The following CDHR4 variants were observed in gnomAD, a reference collection of about 807,000 sequenced individuals.
CDHR4 encodes cadherin related family member 4.
In CDHR4, 89 loss-of-function variants were observed where a neutral mutation model predicts 88.4. The observed-to-expected ratio is 1.01, with a 90% CI of 0.85 to 1.20. CDHR4 has a LOEUF of 1.20. CDHR4 is among the 50% of genes most tolerant of loss of function. The probability of loss-of-function intolerance (pLI) is 0.00; values close to 1 mark genes in which losing one functional copy is unlikely to be tolerated. For missense variants in CDHR4, 914 were observed against 1,007.2 expected, an observed-to-expected ratio of 0.91 and a Z score of 1.25; for synonymous variants, 368 against 399.2, an observed-to-expected ratio of 0.92 and a Z score of 0.93.
chr3:49,799,525 C>T (rs2081331584), intron 1 of CDHR4, 88 bp from the exon 2 acceptor site: 1 of 1,377,806 alleles, frequency 7.3e-7, no homozygotes, highest in African/African-American at 1.4e-5. Flanking sequence ...GCCACAGGGC[C>T]TGGCCATGCC....
At position 49,791,434 on chromosome 3, in the gene CDHR4, G is replaced by A; in HGVS notation, c.2311+7C>T. On this transcript the variant is annotated splice_region_variant and intron_variant, in intron 18 of 18. Transcript: ENST00000412678. The stretch of plus-strand genomic sequence containing the variant: ...GCAGAGAATAGCTTAGGAAGAGGGG[G>A]ACTCACGGGAGTCCTGTGCTCTGCC... 1.3e-6 allele frequency: 2 copies of A among 1,542,902 alleles called. No homozygotes were observed. Among genetic ancestry groups the A allele is most frequent in the African/African-American group, 1.4e-5 (1 of 72,202 alleles).
chr3:49,790,885 T>C lies in CDHR4; in HGVS notation c.2314A>G (p.Thr772Ala). The stretch of plus-strand genomic sequence containing the variant: ...GTGTTAAACAGGTAGTCTCTTCCGG[T>C]ACCTAAAACCGGTAGGAGAGAGAGG... ...HFDGRAQDSR[T>A]GRDYLFNTHT... Residue 772 changes from threonine to alanine, a missense_variant and splice_region_variant, in exon 19 of 19, where the codon ACC (threonine) becomes GCC (alanine). Physicochemically the swap from Thr to Ala is moderately conservative, Grantham distance 58. Coordinates refer to ENST00000412678, the MANE Select transcript of CDHR4 (RefSeq NM_001007540.4). 1 of 1,551,096 alleles carries C rather than the reference T, an allele frequency of 6.4e-7. No individual in the cohort carries two copies. The highest frequency in any genetic ancestry group is 2.4e-5 in the East Asian group (1 of 40,922).
chr3:49,796,081 T>G (rs1160557103), intron 5 of CDHR4, 35 bp from the exon 6 acceptor site: 2 of 1,440,166 alleles, frequency 1.4e-6, no homozygotes. Context: ...GGAGCCAGAT[T>G]GTGTGTGTCC....
rs1308275691 is a variant in CDHR4 at position 49,795,738 on chromosome 3, G to A, written c.737C>T (p.Pro246Leu). The stretch of plus-strand genomic sequence containing the variant: ...CTCACTACCGGGGGCCAGATTCTCA[G>A]GGATGGTGATATTCTGAGCCTGCTC... Reference protein sequence around the residue: ...FLEQAQNITIPENLAPGSEVV... With the variant: ...FLEQAQNITILENLAPGSEVV... Residue 246 changes from proline (P) to leucine (L), a missense_variant, in exon 7 of 19, where the codon CCT becomes CTT. Transcript: ENST00000412678. The surrounding 1 kb of genome is among the most constrained non-coding windows in gnomAD (Gnocchi z 5.4). 3.2e-6 allele frequency: 5 copies of A among 1,551,706 alleles called. No homozygotes were observed. In the South Asian group the frequency reaches 5.9e-5, roughly 18 times the overall value.
At chr3:49,802,681 A>C (rs144923336), upstream of CDHR4, among the ~76,000 whole-genome samples, 1,226 of 152,352 alleles carry the variant, frequency 8.0e-3, 6 homozygotes, top group Middle Eastern at 0.024. Context: ...CGGCAAAGGG[A>C]ATGCCGACGG....
chr3:49,796,868 AG>A (rs1427188794), intron 5 of CDHR4, 53 bp downstream of exon 5: 57 of 1,404,000 alleles, frequency 4.1e-5, no homozygotes, highest in Non-Finnish European at 5.5e-5. Flanking sequence ...AATTTCTAAA[AG>A]GTAGGCACTC....
intron 4 of CDHR4, 132 bp downstream of exon 4, chr3:49,798,694 C>CATGTA (rs2081311106): frequency 3.8e-6 from 3 of 790,762 alleles, no homozygotes; most frequent in Non-Finnish European, 6.0e-6. Flanking sequence ...GAACATACAT[C>CATGTA]ATGTAGAGGC....
chr3:49,799,247 C>T lies in CDHR4; in HGVS notation c.240G>A (p.Lys80=). 1 of 1,613,498 alleles carries T rather than the reference C, an allele frequency of 6.2e-7. No individual in the cohort carries two copies. The highest frequency in any genetic ancestry group is 2.2e-5 in the East Asian group (1 of 44,886). The change falls in exon 2 of 19, where the codon AAG becomes AAA. Residue 80 remains lysine (K), a splice_region_variant and synonymous_variant. Coordinates refer to ENST00000412678, the MANE Select transcript of CDHR4 (RefSeq NM_001007540.4). ...LARWQGTYVG[K]LTLSSSAQLD... ...TCCCCAGCTGTACACATGACCCTACCTTGCCCACATAGGTCCCTTGCCACC... is the reference window on the plus strand; with the variant it reads ...TCCCCAGCTGTACACATGACCCTACTTTGCCCACATAGGTCCCTTGCCACC...
chr3:49,795,931 G>A lies in CDHR4; in HGVS notation c.710+12C>T. The A allele has an allele frequency of 6.5e-7, 1 of 1,530,986 alleles. No individual in the cohort carries two copies. Among genetic ancestry groups the A allele is most frequent in the South Asian group, 1.3e-5 (1 of 79,972 alleles). 94.8% of individuals were successfully genotyped at this position (1,530,986 alleles called of 1,614,324 possible). On this transcript the variant is annotated intron_variant, in intron 6 of 18. Transcript: ENST00000412678. The surrounding 1 kb of genome is among the most constrained non-coding windows in gnomAD (Gnocchi z 5.4). ...CTTCCTCCCTCACTGTTCCAGGGTA[G>A]GGGAGCCTTACAGGAAGGAGACCTG... is the stretch of plus-strand genomic sequence containing the variant.
At position 49,795,831 on chromosome 3, in the gene CDHR4, C is replaced by T; in HGVS notation, c.711-67G>A. Reference sequence around the variant, plus strand: ...CAACCTGTGGGTCCACAGCTTCCTTCCCTGGGCCCCCTCCTGTCAGGGCTG... The same window carrying T: ...CAACCTGTGGGTCCACAGCTTCCTTTCCTGGGCCCCCTCCTGTCAGGGCTG... On this transcript the variant is annotated intron_variant, in intron 6 of 18. Coordinates refer to ENST00000412678, the MANE Select transcript of CDHR4 (RefSeq NM_001007540.4). This position sits in a 1 kb window ranked among gnomAD's most constrained non-coding sequence, Gnocchi z 5.4. The T allele has an allele frequency of 6.5e-7, 1 of 1,539,102 alleles. No individual in the cohort carries two copies. Among genetic ancestry groups the T allele is most frequent in the Non-Finnish European group, 8.8e-7 (1 of 1,139,516 alleles).
At position 49,795,046 on chromosome 3, in the gene CDHR4, G is replaced by A. The variant is rs564203357; in HGVS notation, c.1086C>T (p.Cys362=). 2.9e-5 allele frequency: 45 copies of A among 1,551,674 alleles called. No homozygotes were observed. The highest frequency in any genetic ancestry group is 2.0e-4 in the Admixed American group (10 of 50,996). Residue 362 remains cysteine (C), a synonymous_variant, in exon 9 of 19, where the codon TGC becomes TGT. Transcript: ENST00000412678. The surrounding 1 kb of genome is among the most constrained non-coding windows in gnomAD (Gnocchi z 5.4). The part of the protein sequence containing the change: ...PVGTVLNTLT[C]EDPDSVGATL... ...TGGCACCAACAGAGTCCGGATCTTCGCAAGTGAGAGTATTCAGCACGGTGC... is the reference window on the plus strand; with the variant it reads ...TGGCACCAACAGAGTCCGGATCTTCACAAGTGAGAGTATTCAGCACGGTGC...
At chr3:49,796,071 G>A (rs774671234) in intron 5 of CDHR4, 25 bp from the exon 6 acceptor site, 1 of 1,473,082 alleles carries the variant, frequency 6.8e-7, no homozygotes, top group East Asian at 2.5e-5. Flanking sequence ...GAACAGAAAA[G>A]GAGCCAGATT....
chr3:49,801,963 A>T (rs1023595076), upstream of CDHR4, among the ~76,000 whole-genome samples: 5 of 152,088 alleles, frequency 3.3e-5, no homozygotes, highest in African/African-American at 1.2e-4. Flanking sequence ...CAAAACCCAC[A>T]TTCTGCTCTA....
At position 49,795,245 on chromosome 3, in the gene CDHR4, C is replaced by T; in HGVS notation, c.982G>A (p.Val328Met). Residue 328 changes from valine to methionine, a missense_variant, in exon 8 of 19, where the codon GTG becomes ATG. Val to Met is a conservative substitution (Grantham distance 21). Transcript: ENST00000412678. The surrounding 1 kb of genome is among the most constrained non-coding windows in gnomAD (Gnocchi z 5.4). ...GGAGGCCAGAGGTTGACCAGCTGCA[C>T]ATTCATGGTGAGATTGAGCTTGGCA... The part of the protein sequence containing the change: ...ASAKLNLTMN[V>M]QLVNLWPPRC... 1 of 1,551,670 alleles carries T rather than the reference C, an allele frequency of 6.4e-7. No homozygotes were observed. Among genetic ancestry groups the T allele is most frequent in the Non-Finnish European group, 8.7e-7 (1 of 1,146,984 alleles).
At chr3:49,802,003 T>C (rs368083591), upstream of CDHR4, among the ~76,000 whole-genome samples, 1 of 152,268 alleles carries the variant, frequency 6.6e-6, no homozygotes, top group African/African-American at 2.4e-5. Context: ...TTGCTGACCT[T>C]TTCCCTCCTG....
chr3:49,791,965 A>G lies in CDHR4; in HGVS notation c.2139-6T>C, dbSNP rs1260849416. On this transcript the variant is annotated splice_polypyrimidine_tract_variant and splice_region_variant and intron_variant, in intron 15 of 18. Coordinates refer to ENST00000412678, the MANE Select transcript of CDHR4 (RefSeq NM_001007540.4). The stretch of plus-strand genomic sequence containing the variant: ...CTTGCAGCAGCTGGGCCAACCTAAA[A>G]TGCCAGGAGGAGTAACGAAGCAGTG... 1 of 1,551,466 alleles carries G rather than the reference A, an allele frequency of 6.4e-7. No homozygotes were observed. Among genetic ancestry groups the G allele is most frequent in the African/African-American group, 1.4e-5 (1 of 73,046 alleles).
rs1338758284 is a variant in CDHR4 at position 49,793,202 on chromosome 3, T to G, written c.1733A>C (p.Gln578Pro). 1 of 1,551,696 alleles carries G rather than the reference T, an allele frequency of 6.4e-7. No individual in the cohort carries two copies. The highest frequency in any genetic ancestry group is 1.2e-5 in the South Asian group (1 of 84,068). ...GGAGTAGATCAGGCGCTGTGGCTCC[T>G]GAGGGATCTGGCATGACATCTTGGT... is the stretch of plus-strand genomic sequence containing the variant. ...EVTKMSCQIP[Q>P]EPQRLIYSYS... is the part of the protein sequence containing the mutation. The change falls in exon 13 of 19, where the codon CAG becomes CCG. Residue 578 changes from glutamine (Q) to proline (P), a missense_variant. By Grantham distance (76) the Gln-to-Pro change is moderately conservative. Coordinates refer to ENST00000412678, the MANE Select transcript of CDHR4 (RefSeq NM_001007540.4).
At chr3:49,800,979 GA>G (rs1461623468), upstream of CDHR4, among the ~76,000 whole-genome samples, 1 of 151,722 alleles carries the variant, frequency 6.6e-6, no homozygotes, top group African/African-American at 2.4e-5. Flanking sequence ...TTGAGCCCCA[GA>G]GATGGAGGCT....
upstream of CDHR4, among the ~76,000 whole-genome samples, chr3:49,800,957 T>C (rs919947940): frequency 6.0e-5 from 9 of 150,960 alleles, no homozygotes; most frequent in Non-Finnish European, 8.8e-5. Flanking sequence ...GAGGCTGAGA[T>C]AGGAGGGTCA....
Sources: allele counts gnomAD v4.1 joint callset (sites outside exome capture counted in the v4.1 genomes callset), GRCh38; gene constraint gnomAD v4.1.1; non-coding constraint Gnocchi (gnomAD v3.1); transcripts MANE v1.5; gene names NCBI Gene and HGNC (gene_info 2026-07-23, HGNC 2026-07-21).